ABTB3: variants seen among roughly 807,000 people sequenced by gnomAD.
ABTB3 encodes ankyrin repeat- and BTB/POZ domain-containing protein 3.
At chr12:107,555,439 G>A in the ABTB3 span, among the ~76,000 whole-genome samples, 16 of 152,320 alleles carry the variant, frequency 1.1e-4, no homozygotes. Flanking sequence ...CAACGTGCAT[G>A]TTTAGTCTGA....
At chr12:107,651,775 C>T in the ABTB3 span, 1 of 1,613,124 alleles carries the variant, frequency 6.2e-7, no homozygotes, top group East Asian at 2.2e-5. Context: ...TGGATATTTA[C>T]AACCATGCCA....
the ABTB3 span, among the ~76,000 whole-genome samples, chr12:107,357,103 GT>G: frequency 6.6e-6 from 1 of 152,242 alleles, no homozygotes; most frequent in African/African-American, 2.4e-5. Context: ...ATTGGGTCAT[GT>G]CTTGAAATGT....
At chr12:107,549,093 C>G in the ABTB3 span, among the ~76,000 whole-genome samples, 3 of 152,122 alleles carry the variant, frequency 2.0e-5, no homozygotes, top group African/African-American at 7.2e-5. Flanking sequence ...AATGTACAGA[C>G]ATTTATATCA....
At chr12:107,389,880 G>GTGTGTGTGTGTGTA in the ABTB3 span, among the ~76,000 whole-genome samples, 1 of 134,668 alleles carries the variant, frequency 7.4e-6, no homozygotes, top group African/African-American at 2.8e-5. Context: ...GTGTGTGTGT[G>GTGTGTGTGTGTGTA]TGTATGTATC....
the ABTB3 span, among the ~76,000 whole-genome samples, chr12:107,619,649 T>C: frequency 6.6e-6 from 1 of 152,150 alleles, no homozygotes; most frequent in South Asian, 2.1e-4. Flanking sequence ...AAGTATGGAA[T>C]ATGCATAAGT....
chr12:107,623,404 T>C, the ABTB3 span, among the ~76,000 whole-genome samples: 199 of 129,796 alleles, frequency 1.5e-3, no homozygotes, highest in African/African-American at 5.5e-3. Flanking sequence ...TCTCACTCCG[T>C]CGCCCAGGCT....
chr12:107,482,935 T>C, the ABTB3 span, among the ~76,000 whole-genome samples: 4 of 15,188 alleles, frequency 2.6e-4, no homozygotes, highest in Admixed American at 7.8e-4. Flanking sequence ...TTTCTTTCTT[T>C]CTTTCTTTCT....
At chr12:107,515,882 T>C in the ABTB3 span, among the ~76,000 whole-genome samples, 1 of 152,092 alleles carries the variant, frequency 6.6e-6, no homozygotes, top group Non-Finnish European at 1.5e-5. Flanking sequence ...TAGTGGATCA[T>C]GATGTCACTT....
At chr12:107,489,463 T>C in the ABTB3 span, among the ~76,000 whole-genome samples, 2 of 152,172 alleles carry the variant, frequency 1.3e-5, no homozygotes, top group Non-Finnish European at 2.9e-5. Context: ...GAGGTTGCAG[T>C]GAGCCAAGTT....
chr12:107,322,749 G>A, the ABTB3 span, among the ~76,000 whole-genome samples: 1 of 44,952 alleles, frequency 2.2e-5, no homozygotes, highest in Non-Finnish European at 4.4e-5. Flanking sequence ...GAGGCATAGG[G>A]AACTTAAGTA....
the ABTB3 span, among the ~76,000 whole-genome samples, chr12:107,405,562 C>G: frequency 2.0e-5 from 3 of 152,234 alleles, no homozygotes; most frequent in Non-Finnish European, 4.4e-5. Context: ...CCGGGGTTGT[C>G]CTGTCTGCCA....
chr12:107,352,566 G>C, the ABTB3 span, among the ~76,000 whole-genome samples: 78 of 152,170 alleles, frequency 5.1e-4, no homozygotes, highest in African/African-American at 1.8e-3. Flanking sequence ...AACTAAGGGG[G>C]CCCTTCCACA....
At chr12:107,460,040 T>G in the ABTB3 span, among the ~76,000 whole-genome samples, 1 of 152,250 alleles carries the variant, frequency 6.6e-6, no homozygotes, top group Non-Finnish European at 1.5e-5. Context: ...GGTGCCCTGC[T>G]ACATCAGTGT....
chr12:107,624,558 G>A, the ABTB3 span, among the ~76,000 whole-genome samples: 8 of 152,148 alleles, frequency 5.3e-5, no homozygotes, highest in South Asian at 6.2e-4. Flanking sequence ...GTCATTTAAA[G>A]AACGTGATTT....
the ABTB3 span, among the ~76,000 whole-genome samples, chr12:107,420,893 C>T: frequency 1.3e-5 from 2 of 152,162 alleles, no homozygotes; most frequent in African/African-American, 4.8e-5. Context: ...TTCTATTTTT[C>T]TTCCTGCCCC....
chr12:107,357,628 A>T, the ABTB3 span, among the ~76,000 whole-genome samples: 1 of 152,326 alleles, frequency 6.6e-6, no homozygotes, highest in East Asian at 1.9e-4. Flanking sequence ...ATAAAAAATT[A>T]AAAAATAAAA....
the ABTB3 span, among the ~76,000 whole-genome samples, chr12:107,540,228 C>T: frequency 1.3e-5 from 2 of 152,140 alleles, no homozygotes; most frequent in Non-Finnish European, 2.9e-5. Context: ...CTCTCTGCCT[C>T]CAAGATGGTG....
the ABTB3 span, among the ~76,000 whole-genome samples, chr12:107,503,810 G>A: frequency 6.7e-6 from 1 of 149,744 alleles, no homozygotes; most frequent in Non-Finnish European, 1.5e-5. Context: ...AAGAGAACTG[G>A]TTAATACAGT....
At chr12:107,610,407 C>A in the ABTB3 span, 4 of 1,595,336 alleles carry the variant, frequency 2.5e-6, no homozygotes, top group South Asian at 1.1e-5. Flanking sequence ...ATGTGCATCA[C>A]CCCTGGCAAG....
Sources: gnomAD v4.1 joint callset for allele counts (sites outside exome capture counted in the v4.1 genomes callset) on GRCh38, gnomAD v4.1.1 for gene constraint, MANE v1.5 for transcripts, NCBI Gene and HGNC (gene_info 2026-07-23, HGNC 2026-07-21) for gene names.